The following WDR59 variants were observed in gnomAD, a reference collection of about 807,000 sequenced individuals.
WDR59 encodes the protein GATOR2 complex protein WDR59.
In WDR59, 100 loss-of-function variants were observed where a neutral mutation model predicts 131.2. That is an observed-to-expected ratio of 0.76 (90% confidence interval 0.65 to 0.90). The LOEUF is 0.90. WDR59 is among the 40% of genes least tolerant of loss of function. The probability of loss-of-function intolerance (pLI) is 0.00; values close to 1 mark genes in which losing one functional copy is unlikely to be tolerated. For missense variants in WDR59, 1,203 were observed against 1,262.2 expected (o/e 0.95, Z 0.71); for synonymous variants, 601 against 466.2 (o/e 1.29, Z -3.72).
In WDR59 at chr16:74,905,160, G is replaced by A. The variant is rs143564067; in HGVS notation, c.1713-1060C>T. ...GGAGGCCAAGGCGGGCAGATTACCT[G>A]AGGTCGGGAGTTCAAGACCAGCCTG... On this transcript the variant is annotated intron_variant, in intron 17 of 25. Coordinates refer to ENST00000262144, the MANE Select transcript of WDR59 (RefSeq NM_030581.4). Among the ~76,000 whole-genome samples, 1,275 of 152,242 alleles carry A rather than the reference G, an allele frequency of 8.4e-3. 19 individuals carry two copies. The highest frequency in any genetic ancestry group is 0.029 in the African/African-American group (1,213 of 41,516).
At chr16:74,949,628 G>A (rs971019424) in intron 5 of WDR59, 90 bp downstream of exon 5, 45 of 1,141,554 alleles carry the variant, frequency 3.9e-5, no homozygotes, top group Admixed American at 2.3e-4. Flanking sequence ...GGTCTGTATC[G>A]AGGGGAAACC....
chr16:74,905,423 C>T (rs12597910), intron 17 of WDR59, among the ~76,000 whole-genome samples: 54,033 of 150,958 alleles, frequency 0.36, 9,704 homozygotes, highest in Middle Eastern at 0.4. Context: ...GGCTCACGCT[C>T]GTAATCCCAG....
At chr16:74,944,731 C>G (rs888970216) in intron 6 of WDR59, among the ~76,000 whole-genome samples, 2 of 151,996 alleles carry the variant, frequency 1.3e-5, no homozygotes, top group Admixed American at 1.3e-4. Context: ...GGTAGATCTG[C>G]ACCACTGAGA....
chr16:74,905,076 T>G (rs993575856), intron 17 of WDR59, among the ~76,000 whole-genome samples: 3 of 152,250 alleles, frequency 2.0e-5, no homozygotes, highest in Non-Finnish European at 4.4e-5. Flanking sequence ...TCTATAAAGC[T>G]TTTAAAAGAA....
At position 74,889,823 on chromosome 16, in the gene WDR59, G is replaced by A. The variant is rs1458236938; in HGVS notation, c.2083-8C>T. On this transcript the variant is annotated splice_polypyrimidine_tract_variant and splice_region_variant and intron_variant, in intron 20 of 25. Coordinates refer to ENST00000262144, the MANE Select transcript of WDR59 (RefSeq NM_030581.4). ...CGTAGCCAGCGACCAAACCTGGACA[G>A]ATCAAAGAGAAATACAAACTCAAAC... 6 of 1,597,796 alleles carry A rather than the reference G, an allele frequency of 3.8e-6. No homozygotes were observed. The highest frequency in any genetic ancestry group is 5.1e-6 in the Non-Finnish European group (6 of 1,172,654).
At chr16:74,919,544 T>C (rs2029960519) in intron 10 of WDR59, among the ~76,000 whole-genome samples, 1 of 151,772 alleles carries the variant, frequency 6.6e-6, no homozygotes, top group South Asian at 2.1e-4. Context: ...GGTTTCATCA[T>C]GTTGGCCAGG....
At chr16:74,973,477 G>T (rs1384430619) in intron 1 of WDR59, among the ~76,000 whole-genome samples, 2 of 152,022 alleles carry the variant, frequency 1.3e-5, no homozygotes, top group Non-Finnish European at 2.9e-5. Flanking sequence ...TGTAGGGATG[G>T]GGTCTCACTC....
intron 18 of WDR59, 49 bp downstream of exon 18, chr16:74,903,898 G>T: frequency 6.4e-7 from 1 of 1,566,616 alleles, no homozygotes; most frequent in South Asian, 1.2e-5. Context: ...TGAGGAACAA[G>T]AATCCAGGAG....
chr16:74,982,473 A>T (rs1046136311), intron 1 of WDR59, among the ~76,000 whole-genome samples: 4 of 152,232 alleles, frequency 2.6e-5, no homozygotes, highest in Non-Finnish European at 5.9e-5. Context: ...GCATCCTAAT[A>T]TATGTGTCAG....
chr16:74,950,681 T>TG, intron 4 of WDR59, among the ~76,000 whole-genome samples: 1 of 151,870 alleles, frequency 6.6e-6, no homozygotes, highest in African/African-American at 2.4e-5. Context: ...CGAAACCAAC[T>TG]GGAAGCCTCG....
At chr16:74,903,224 C>G (rs1379328031) in intron 18 of WDR59, among the ~76,000 whole-genome samples, 1 of 152,218 alleles carries the variant, frequency 6.6e-6, no homozygotes, top group Non-Finnish European at 1.5e-5. Flanking sequence ...TTCCTAAGGA[C>G]TGAGTTTGTG....
intron 2 of WDR59, chr16:74,959,220 G>A (rs1163741976): frequency 2.3e-5 from 6 of 265,726 alleles, no homozygotes; most frequent in South Asian, 1.4e-4. Context: ...TCACGACTCT[G>A]CCTTTTACTC....
At chr16:74,892,952 C>T (rs755110967) in intron 19 of WDR59, among the ~76,000 whole-genome samples, 2 of 152,110 alleles carry the variant, frequency 1.3e-5, no homozygotes, top group Non-Finnish European at 2.9e-5. Flanking sequence ...TGTGTGTAGA[C>T]TACAAAGGAA....
chr16:74,903,977 G>C lies in WDR59; in HGVS notation c.1836C>G (p.Val612=). The change falls in exon 18 of 26, where the codon GTC becomes GTG. Residue 612 remains valine, a synonymous_variant. Coordinates refer to ENST00000262144, the MANE Select transcript of WDR59 (RefSeq NM_030581.4). The part of the protein sequence containing the change: ...GSPTRSEKEQ[V]SISSFYYKER... ...CCTTGTAGTAGAAGGAGCTGATGGA[G>C]ACCTGCTCTTTCTCGCTGCGAGTGG... is the stretch of plus-strand genomic sequence containing the variant. 4 of 1,610,106 alleles carry C rather than the reference G, an allele frequency of 2.5e-6. No individual in the cohort carries two copies. Among genetic ancestry groups the C allele is most frequent in the Non-Finnish European group, 3.4e-6 (4 of 1,178,802 alleles).
chr16:74,943,099 C>T (rs1006330872), intron 6 of WDR59, among the ~76,000 whole-genome samples: 3 of 152,200 alleles, frequency 2.0e-5, no homozygotes, highest in African/African-American at 4.8e-5. Flanking sequence ...AGCAGGAAAA[C>T]ATAGTTTCTT....
At chr16:74,951,755 A>T (rs532711748) in intron 3 of WDR59, among the ~76,000 whole-genome samples, 1 of 152,280 alleles carries the variant, frequency 6.6e-6, no homozygotes, top group South Asian at 2.1e-4. Flanking sequence ...TGAATCTCAA[A>T]ATGGAAAGGC....
chr16:74,970,851 G>A lies in WDR59; in HGVS notation c.55-5029C>T, dbSNP rs141636787. Reference sequence around the variant, plus strand: ...AGGATTGCTTGGAGCCCAGGAGTTCGAGACCAGCCTGGACAACATGATTAA... The same window carrying A: ...AGGATTGCTTGGAGCCCAGGAGTTCAAGACCAGCCTGGACAACATGATTAA... On this transcript the variant is annotated intron_variant, in intron 1 of 25. Coordinates refer to ENST00000262144, the MANE Select transcript of WDR59 (RefSeq NM_030581.4). Among the ~76,000 whole-genome samples the A allele has an allele frequency of 3.9e-3, 590 of 151,516 alleles. 1 individual carries two copies. The highest frequency in any genetic ancestry group is 0.014 in the African/African-American group (565 of 41,242).
At chr16:74,941,562 T>C (rs1164745171) in intron 7 of WDR59, among the ~76,000 whole-genome samples, 2 of 151,564 alleles carry the variant, frequency 1.3e-5, no homozygotes, top group Non-Finnish European at 2.9e-5. Flanking sequence ...GGCGTGGTGG[T>C]GTGCACCTAT....
chr16:74,916,727 C>T (rs994428682), intron 11 of WDR59, among the ~76,000 whole-genome samples: 1 of 151,910 alleles, frequency 6.6e-6, no homozygotes, highest in East Asian at 1.9e-4. Flanking sequence ...GGCATGGTGG[C>T]GGACGCCTAC....
Sources: allele counts gnomAD v4.1 joint callset (sites outside exome capture counted in the v4.1 genomes callset), GRCh38; gene constraint gnomAD v4.1.1; transcripts MANE v1.5; gene names NCBI Gene and HGNC (gene_info 2026-07-23, HGNC 2026-07-21).